RNGTT: variants seen among roughly 807,000 people sequenced by gnomAD.
RNGTT encodes mRNA-capping enzyme.
In RNGTT, 33 loss-of-function variants were observed where a neutral mutation model predicts 79.3. The observed-to-expected ratio is 0.42, with a 90% confidence interval of 0.32 to 0.56. The LOEUF (loss-of-function observed/expected upper bound fraction) is 0.56. Ranked by LOEUF, RNGTT falls within the 20% of genes least tolerant of loss-of-function variation. The probability of loss-of-function intolerance (pLI) is 0.17; values close to 1 mark genes in which losing one functional copy is unlikely to be tolerated. For synonymous variants in RNGTT, 222 were observed against 235.9 expected, an observed-to-expected ratio of 0.94 and a Z score of 0.54; for missense variants, 497 against 739.1, an observed-to-expected ratio of 0.67 and a Z score of 3.80.
intron 14 of RNGTT, among the ~76,000 whole-genome samples, chr6:88,640,283 C>T (rs994648069): frequency 1.3e-5 from 2 of 151,698 alleles, no homozygotes; most frequent in Admixed American, 1.3e-4. Context: ...AGTGCAGTGG[C>T]TCATGCCTGT....
At chr6:88,749,697 A>G (rs1278743217) in intron 13 of RNGTT, among the ~76,000 whole-genome samples, 1 of 152,166 alleles carries the variant, frequency 6.6e-6, no homozygotes, top group East Asian at 1.9e-4. Flanking sequence ...TAAGGAGAGA[A>G]ATACTGAAAG....
intron 11 of RNGTT, among the ~76,000 whole-genome samples, chr6:88,805,683 T>C (rs901108313): frequency 1.3e-5 from 2 of 152,116 alleles, no homozygotes; most frequent in Admixed American, 6.6e-5. Context: ...GGTGCTCAGG[T>C]TCTGCTTAAT....
chr6:88,769,174 C>T (rs1338904827), intron 13 of RNGTT, among the ~76,000 whole-genome samples: 4 of 151,520 alleles, frequency 2.6e-5, no homozygotes, highest in Non-Finnish European at 2.9e-5. Flanking sequence ...AGGTGTGCGG[C>T]GGGGGAAGTG....
At chr6:88,806,043 A>G (rs1440751223) in intron 11 of RNGTT, among the ~76,000 whole-genome samples, 3 of 152,172 alleles carry the variant, frequency 2.0e-5, no homozygotes, top group Non-Finnish European at 4.4e-5. Flanking sequence ...TTAACAAACT[A>G]AAAGAAGTAT....
At chr6:88,760,307 C>A (rs1778170477) in intron 13 of RNGTT, among the ~76,000 whole-genome samples, 2 of 152,140 alleles carry the variant, frequency 1.3e-5, no homozygotes, top group South Asian at 4.1e-4. Context: ...ACAAGAGTTA[C>A]TAATACCCAA....
At chr6:88,815,369 G>A (rs574034740) in intron 11 of RNGTT, among the ~76,000 whole-genome samples, 1 of 152,158 alleles carries the variant, frequency 6.6e-6, no homozygotes, top group African/African-American at 2.4e-5. Context: ...GTTTTAGTAT[G>A]TATCCTTTCA....
At chr6:88,716,410 G>A (rs557965284) in intron 13 of RNGTT, among the ~76,000 whole-genome samples, 3 of 152,296 alleles carry the variant, frequency 2.0e-5, no homozygotes, top group Admixed American at 6.5e-5. Context: ...TCAGTGTGGT[G>A]ATTCCTCAGG....
At chr6:88,835,872 C>T (rs190988212) in intron 11 of RNGTT, among the ~76,000 whole-genome samples, 5 of 151,518 alleles carry the variant, frequency 3.3e-5, no homozygotes, top group African/African-American at 1.2e-4. Context: ...CAGTGGTATA[C>T]GCCTGCAGCT....
chr6:88,847,594 G>A (rs571884782), intron 10 of RNGTT, among the ~76,000 whole-genome samples: 15 of 151,952 alleles, frequency 9.9e-5, no homozygotes, highest in South Asian at 6.2e-4. Flanking sequence ...AAAAATATAC[G>A]TGGCTTAAAA....
At chr6:88,904,983 C>T in intron 5 of RNGTT, 28 bp from the exon 6 acceptor site, 3 of 1,606,218 alleles carry the variant, frequency 1.9e-6, no homozygotes, top group Non-Finnish European at 2.6e-6. Context: ...CATGCAATTT[C>T]CTCGCTATCC....
intron 13 of RNGTT, among the ~76,000 whole-genome samples, chr6:88,750,105 A>G (rs1159657781): frequency 6.6e-6 from 1 of 152,136 alleles, no homozygotes; most frequent in Non-Finnish European, 1.5e-5. Flanking sequence ...CATCTTAATT[A>G]CACCTGCAAC....
chr6:88,723,953 G>A (rs1157558744), intron 13 of RNGTT, among the ~76,000 whole-genome samples: 2 of 152,052 alleles, frequency 1.3e-5, no homozygotes, highest in African/African-American at 4.8e-5. Flanking sequence ...TCAAGCTCCT[G>A]GCCTCAGGTG....
At chr6:88,720,163 T>C (rs1278113413) in intron 13 of RNGTT, among the ~76,000 whole-genome samples, 3 of 152,164 alleles carry the variant, frequency 2.0e-5, no homozygotes, top group African/African-American at 7.2e-5. Flanking sequence ...AATGGTGCCA[T>C]TAATTAGATA....
intron 11 of RNGTT, among the ~76,000 whole-genome samples, chr6:88,808,480 C>T (rs1221298351): frequency 6.6e-6 from 1 of 152,028 alleles, no homozygotes. Context: ...AATGAGAAAA[C>T]ATGGGGCAAG....
At chr6:88,898,867 A>C (rs1255020959) in intron 6 of RNGTT, among the ~76,000 whole-genome samples, 1 of 151,386 alleles carries the variant, frequency 6.6e-6, no homozygotes, top group African/African-American at 2.4e-5. Flanking sequence ...TTTTACAAAA[A>C]AAAAAAAACT....
intron 8 of RNGTT, among the ~76,000 whole-genome samples, chr6:88,858,396 C>T (rs1320175413): frequency 1.3e-5 from 2 of 152,046 alleles, no homozygotes; most frequent in African/African-American, 4.8e-5. Flanking sequence ...ATAATTCCAA[C>T]CATAATACAT....
rs536740492 is a variant in RNGTT at position 88,636,608 on chromosome 6, T to C, written c.1507-22213A>G. Among the ~76,000 whole-genome samples, 30 of 151,764 alleles carry C rather than the reference T, an allele frequency of 2.0e-4. 1 individual carries two copies. Among genetic ancestry groups the C allele is most frequent in the Middle Eastern group, 6.8e-3 (2 of 294 alleles). ...TTTAAGGTCAAATAATTATTAATGA[T>C]GGTATTATGGTTTTGGTTTAAGGGG... is the stretch of plus-strand genomic sequence containing the variant. On this transcript the variant is annotated intron_variant, in intron 14 of 15. Coordinates refer to ENST00000369485, the MANE Select transcript of RNGTT (RefSeq NM_003800.5).
intron 13 of RNGTT, among the ~76,000 whole-genome samples, chr6:88,707,924 T>A (rs774525884): frequency 1.3e-5 from 2 of 151,838 alleles, no homozygotes; most frequent in African/African-American, 2.4e-5. Context: ...ATTCTACTCT[T>A]CAAAATATTA....
At chr6:88,846,526 T>C (rs371580635) in intron 10 of RNGTT, among the ~76,000 whole-genome samples, 4 of 152,246 alleles carry the variant, frequency 2.6e-5, no homozygotes, top group South Asian at 4.2e-4. Flanking sequence ...AGCGGGCAGA[T>C]TGCTTGAGGC....
Sources: allele counts gnomAD v4.1 joint callset (sites outside exome capture counted in the v4.1 genomes callset), GRCh38; gene constraint gnomAD v4.1.1; transcripts MANE v1.5; gene names NCBI Gene and HGNC (gene_info 2026-07-23, HGNC 2026-07-21).